ADAMTS4: variants seen among roughly 807,000 people sequenced by gnomAD.
ADAMTS4 encodes the protein ADAM metallopeptidase with thrombospondin type 1 motif 4, also known as A disintegrin and metalloproteinase with thrombospondin motifs 4.
Under a neutral mutation model 66.7 loss-of-function variants are expected in ADAMTS4, and 38 were observed. That is an observed-to-expected ratio of 0.57 (90% CI 0.44 to 0.75). The LOEUF is 0.75. ADAMTS4 is among the 30% of genes least tolerant of loss of function. The pLI, the probability that ADAMTS4 is intolerant of heterozygous loss-of-function variation, is 0.00. For missense variants in ADAMTS4, 1,014 were observed against 1,116.7 expected, an observed-to-expected ratio of 0.91 and a Z score of 1.31; for synonymous variants, 418 against 461.5, an observed-to-expected ratio of 0.91 and a Z score of 1.21.
intron 3 of ADAMTS4, chr1:161,195,856 C>A: frequency 1.7e-6 from 1 of 578,126 alleles, no homozygotes; most frequent in Non-Finnish European, 2.9e-6. Context: ...CCTCCCTACC[C>A]ACTTTTCCTT....
Position 161,193,851 on chromosome 1 carries a change from G to A in ADAMTS4, c.1549-25C>T, listed in dbSNP as rs372731015. 3.2e-6 allele frequency: 5 copies of A among 1,580,818 alleles called. No individual in the cohort carries two copies. The highest frequency in any genetic ancestry group is 4.3e-6 in the Non-Finnish European group (5 of 1,161,942). ...TCTGCAAAGGCACAGAACGGAAGTG[G>A]GGCATAAGTGAACTCTCTCCTGGGC... On this transcript the variant is annotated intron_variant, in intron 5 of 8. Coordinates refer to ENST00000367996, the MANE Select transcript of ADAMTS4 (RefSeq NM_005099.6). This position sits in a 1 kb window ranked among gnomAD's most constrained non-coding sequence, Gnocchi z 4.4.
At position 161,194,147 on chromosome 1, in the gene ADAMTS4, C is replaced by T; in HGVS notation, c.1336G>A (p.Asp446Asn). The T allele has an allele frequency of 6.2e-7, 1 of 1,614,186 alleles. No individual in the cohort carries two copies. The highest frequency in any genetic ancestry group is 8.5e-7 in the Non-Finnish European group (1 of 1,180,032). The change falls in exon 5 of 9, where the codon GAC (aspartate) becomes AAC (asparagine). Residue 446 changes from aspartate (D) to asparagine (N), a missense_variant. Asp to Asn is a conservative substitution (Grantham distance 23, BLOSUM62 1). Transcript: ENST00000367996. The surrounding 1 kb of genome is among the most constrained non-coding windows in gnomAD (Gnocchi z 4.1). ...VTFPGKDYDA[D>N]RQCQLTFGPD... is the part of the protein sequence containing the mutation. ...CCGAAGGTCAGCTGGCACTGGCGGT[C>T]AGCATCATAGTCCTTGCCAGGGAAA...
chr1:161,194,068 C>T lies in ADAMTS4; in HGVS notation c.1415G>A (p.Cys472Tyr), dbSNP rs1664753540. 1.2e-6 allele frequency: 2 copies of T among 1,614,200 alleles called. No homozygotes were observed. The highest frequency in any genetic ancestry group is 1.7e-6 in the Non-Finnish European group (2 of 1,180,032). Residue 472 changes from cysteine (C) to tyrosine (Y), a missense_variant, in exon 5 of 9, where the codon TGC becomes TAC. Coordinates refer to ENST00000367996, the MANE Select transcript of ADAMTS4 (RefSeq NM_005099.6). This position sits in a 1 kb window ranked among gnomAD's most constrained non-coding sequence, Gnocchi z 4.1. Reference sequence around the variant, plus strand: ...GGCATGGCCATTGAGGTGGCCAGAGCACCAGAGGGCAGCACAGGGCGGCGG... The same window carrying T: ...GGCATGGCCATTGAGGTGGCCAGAGTACCAGAGGGCAGCACAGGGCGGCGG... The part of the protein sequence containing the change: ...QLPPPCAALW[C>Y]SGHLNGHAMC...
Position 161,196,396 on chromosome 1 carries a change from G to A in ADAMTS4, c.958-93C>T, listed in dbSNP as rs901365545. On this transcript the variant is annotated intron_variant, in intron 2 of 8. Coordinates refer to ENST00000367996, the MANE Select transcript of ADAMTS4 (RefSeq NM_005099.6). ...GATTCCCGGGGACCTGGGCACTGAGGACCCAGCACTGTCAGGGCCTAGGTA... is the reference window on the plus strand; with the variant it reads ...GATTCCCGGGGACCTGGGCACTGAGAACCCAGCACTGTCAGGGCCTAGGTA... The A allele has an allele frequency of 8.5e-6, 13 of 1,525,680 alleles. No homozygotes were observed. The African/African-American group carries it at 1.5e-4, about 18-fold the overall frequency. 94.5% of individuals were successfully genotyped at this position (1,525,680 alleles called of 1,614,324 possible).
At chr1:161,195,363 G>C (rs536199900) in intron 4 of ADAMTS4, 102 bp downstream of exon 4, 1 of 1,251,460 alleles carries the variant, frequency 8.0e-7, no homozygotes, top group African/African-American at 1.5e-5. Context: ...AAGCACACTT[G>C]GGGGAGGCAA....
Position 161,190,537 on chromosome 1 carries a change from GA to G in ADAMTS4, c.*600del, listed in dbSNP as rs71802477. Reference sequence around the variant, plus strand: ...CAAAAAAAAAAAAGAAAGAAAGAAAGAAAAAAAAAAAAAGATAATCCCTCAC... The same window carrying G: ...CAAAAAAAAAAAAGAAAGAAAGAAAGAAAAAAAAAAAAGATAATCCCTCAC... On this transcript the variant is annotated 3_prime_UTR_variant, in exon 9 of 9. Coordinates refer to ENST00000367996, the MANE Select transcript of ADAMTS4 (RefSeq NM_005099.6). 18,193 of 131,324 alleles carry G rather than the reference GA, an allele frequency of 0.14. 1,430 individuals are homozygous for G. Among genetic ancestry groups the G allele is most frequent in the East Asian group, 0.36 (1,647 of 4,624 alleles). The allele number at this position is 131,324 out of a possible 1,614,324, so 8.1% of individuals were successfully genotyped here.
chr1:161,196,039 A>T, intron 3 of ADAMTS4, 132 bp downstream of exon 3: 12 of 1,124,614 alleles, frequency 1.1e-5, no homozygotes, highest in Non-Finnish European at 1.5e-5. Context: ...CCTGGAGCAG[A>T]GAGGAGTAAT....
In ADAMTS4 at chr1:161,194,083, C is replaced by A. The variant is rs1421823180; in HGVS notation, c.1400G>T (p.Cys467Phe). 6.2e-7 allele frequency: 1 copy of A among 1,614,224 alleles called. No homozygotes were observed. Among genetic ancestry groups the A allele is most frequent in the Admixed American group, 1.7e-5 (1 of 60,026 alleles). The change falls in exon 5 of 9, where the codon TGT (cysteine) becomes TTT (phenylalanine). Residue 467 changes from cysteine (C) to phenylalanine (F), a missense_variant. By Grantham distance (205) the Cys-to-Phe change is radical (BLOSUM62 -2). Coordinates refer to ENST00000367996, the MANE Select transcript of ADAMTS4 (RefSeq NM_005099.6). This position sits in a 1 kb window ranked among gnomAD's most constrained non-coding sequence, Gnocchi z 4.1. The stretch of plus-strand genomic sequence containing the variant: ...GTGGCCAGAGCACCAGAGGGCAGCA[C>A]AGGGCGGCGGCAGCTGTGGACAATG... ...SRHCPQLPPP[C>F]AALWCSGHLN...
rs1013589590 is a variant in ADAMTS4 at position 161,193,459 on chromosome 1, T to C, written c.1736-71A>G. 1.1e-5 allele frequency: 17 copies of C among 1,568,186 alleles called. No individual in the cohort carries two copies. The East Asian group carries it at 2.9e-4, about 27-fold the overall frequency. Reference sequence around the variant, plus strand: ...ACCCCACATCCCTCCACCCAACCCCTGAGAACTCTAGACAGCACAGCTCTG... The same window carrying C: ...ACCCCACATCCCTCCACCCAACCCCCGAGAACTCTAGACAGCACAGCTCTG... On this transcript the variant is annotated intron_variant, in intron 6 of 8. Coordinates refer to ENST00000367996, the MANE Select transcript of ADAMTS4 (RefSeq NM_005099.6). The surrounding 1 kb of genome is among the most constrained non-coding windows in gnomAD (Gnocchi z 4.4).
In ADAMTS4 at chr1:161,186,017, G is replaced by A. The variant is rs1664534907; in HGVS notation, c.*5121C>T. On this transcript the variant is annotated 3_prime_UTR_variant, in exon 9 of 9. Transcript: ENST00000367996. The stretch of plus-strand genomic sequence containing the variant: ...CAAACTCTTCTTGAACTTCTCTAGG[G>A]ACAGGGTTCTAATCCCTTGTCATTC... 6.6e-6 allele frequency: 1 copy of A among 152,208 alleles called. No individual in the cohort carries two copies. The highest frequency in any genetic ancestry group is 6.5e-5 in the Admixed American group (1 of 15,290). 9.4% of individuals were successfully genotyped at this position (152,208 alleles called of 1,614,324 possible). A position where few individuals can be genotyped will look rare whatever the true frequency, so the allele number is the denominator to read the frequency against.
Position 161,193,299 on chromosome 1 carries a change from G to A in ADAMTS4, c.1825C>T (p.Arg609Cys), listed in dbSNP as rs779357556. 37 of 1,613,924 alleles carry A rather than the reference G, an allele frequency of 2.3e-5. No individual in the cohort carries two copies. The highest frequency in any genetic ancestry group is 6.7e-5 in the Admixed American group (4 of 60,004). Residue 609 changes from arginine (R) to cysteine (C), a missense_variant, in exon 7 of 9, where the codon CGC (arginine) becomes TGC (cysteine). Arg to Cys is a radical substitution (Grantham distance 180). Coordinates refer to ENST00000367996, the MANE Select transcript of ADAMTS4 (RefSeq NM_005099.6). The surrounding 1 kb of genome is among the most constrained non-coding windows in gnomAD (Gnocchi z 4.4). ...TCCTGGGGGGCCACGCCTGTGTAGC[G>A]AGGAACCCAGTCCATGGGCCCTGGG... is the stretch of plus-strand genomic sequence containing the variant. ...SFPGPMDWVPRYTGVAPQDQC... is the reference protein window; with the variant it reads ...SFPGPMDWVPCYTGVAPQDQC...
At position 161,186,415 on chromosome 1, in the gene ADAMTS4, G is replaced by C. The variant is rs868414259; in HGVS notation, c.*4723C>G. The C allele has an allele frequency of 7.6e-4, 115 of 152,234 alleles. 1 individual carries two copies. The highest frequency in any genetic ancestry group is 2.5e-3 in the African/African-American group (104 of 41,436). The allele number at this position is 152,234 out of a possible 1,614,324, so 9.4% of individuals were successfully genotyped here. A position where few individuals can be genotyped will look rare whatever the true frequency, so the allele number is the denominator to read the frequency against. On this transcript the variant is annotated 3_prime_UTR_variant, in exon 9 of 9. Transcript: ENST00000367996. Reference sequence around the variant, plus strand: ...TCTCTTCGATGAGCTAGCTCTCTCTGCCCCTCTTTCACTCTAGCTCCTGCT... The same window carrying C: ...TCTCTTCGATGAGCTAGCTCTCTCTCCCCCTCTTTCACTCTAGCTCCTGCT...
chr1:161,192,149 G>A lies in ADAMTS4; in HGVS notation c.2003C>T (p.Ser668Phe). The A allele has an allele frequency of 3.1e-6, 5 of 1,614,084 alleles. No homozygotes were observed. Among genetic ancestry groups the A allele is most frequent in the Non-Finnish European group, 4.2e-6 (5 of 1,180,026 alleles). Reference protein sequence around the residue: ...IHAGCDRIIGSKKKFDKCMVC... With the variant: ...IHAGCDRIIGFKKKFDKCMVC... The stretch of plus-strand genomic sequence containing the variant: ...CATGCACTTGTCAAACTTCTTCTTG[G>A]AGCCAATGATGCGATCACAGCCAGC... Residue 668 changes from serine to phenylalanine, a missense_variant, in exon 8 of 9, where the codon TCC (serine) becomes TTC (phenylalanine). Ser to Phe is a radical substitution (Grantham distance 155). Transcript: ENST00000367996.
At position 161,193,281 on chromosome 1, in the gene ADAMTS4, G is replaced by C; in HGVS notation, c.1843C>G (p.Pro615Ala). 6.2e-7 allele frequency: 1 copy of C among 1,614,082 alleles called. No individual in the cohort carries two copies. Among genetic ancestry groups the C allele is most frequent in the Non-Finnish European group, 8.5e-7 (1 of 1,179,998 alleles). The change falls in exon 7 of 9, where the codon CCC becomes GCC. Residue 615 changes from proline to alanine, a missense_variant. By Grantham distance (27) the Pro-to-Ala change is conservative (BLOSUM62 -1). Coordinates refer to ENST00000367996, the MANE Select transcript of ADAMTS4 (RefSeq NM_005099.6). This position sits in a 1 kb window ranked among gnomAD's most constrained non-coding sequence, Gnocchi z 4.4. ...CAGGTGAGTTTGCACTGGTCCTGGG[G>C]GGCCACGCCTGTGTAGCGAGGAACC... ...DWVPRYTGVA[P>A]QDQCKLTCQA...
At chr1:161,196,040 G>A (rs1048499174) in intron 3 of ADAMTS4, 131 bp downstream of exon 3, 2 of 1,134,552 alleles carry the variant, frequency 1.8e-6, no homozygotes, top group Non-Finnish European at 2.5e-6. Flanking sequence ...CTGGAGCAGA[G>A]AGGAGTAATA....
rs766748341 is a variant in ADAMTS4, at chr1:161,196,554, C to G, written c.957+3G>C. On this transcript the variant is annotated splice_donor_region_variant and intron_variant, in intron 2 of 8. Coordinates refer to ENST00000367996, the MANE Select transcript of ADAMTS4 (RefSeq NM_005099.6). ...TGGCCTGCGGTGCTGACTGGGGCCT[C>G]ACCTGACGGGTAAACAGAATGGCTG... 6.2e-7 allele frequency: 1 copy of G among 1,613,868 alleles called. No individual in the cohort carries two copies. Among genetic ancestry groups the G allele is most frequent in the Non-Finnish European group, 8.5e-7 (1 of 1,179,868 alleles).
Position 161,187,133 on chromosome 1 carries a change from C to T in ADAMTS4, c.*4005G>A, listed in dbSNP as rs994544497. The T allele has an allele frequency of 2.0e-5, 3 of 152,218 alleles. No individual in the cohort carries two copies. Among genetic ancestry groups the T allele is most frequent in the African/African-American group, 7.2e-5 (3 of 41,444 alleles). The allele number at this position is 152,218 out of a possible 1,614,324, so 9.4% of individuals were successfully genotyped here. The stretch of plus-strand genomic sequence containing the variant: ...TCCATTCAGTTCAGGGCTCATTAGG[C>T]TCTTATCTTCTAGTCCCTTTTACTG... On this transcript the variant is annotated 3_prime_UTR_variant, in exon 9 of 9. Transcript: ENST00000367996.
chr1:161,198,042 C>T lies in ADAMTS4; in HGVS notation c.586G>A (p.Val196Ile), dbSNP rs377253620. 47 of 1,596,592 alleles carry T rather than the reference C, an allele frequency of 2.9e-5. No homozygotes were observed. Among genetic ancestry groups the T allele is most frequent in the African/African-American group, 4.0e-5 (3 of 74,574 alleles). The change falls in exon 1 of 9, where the codon GTC becomes ATC. Residue 196 changes from valine (V) to isoleucine (I), a missense_variant. Physicochemically the swap from Val to Ile is conservative, Grantham distance 29. Transcript: ENST00000367996. The surrounding 1 kb of genome is among the most constrained non-coding windows in gnomAD (Gnocchi z 4.7). Reference sequence around the variant, plus strand: ...CTGGGGCTTCCAAGAGGAGCCTTGACGTTGCACATGGGACCTTGACCGCTG... The same window carrying T: ...CTGGGGCTTCCAAGAGGAGCCTTGATGTTGCACATGGGACCTTGACCGCTG... ...PASGQGPMCN[V>I]KAPLGSPSPR...
In ADAMTS4 at chr1:161,198,772, C is replaced by T. The variant is rs1465591562; in HGVS notation, c.-145G>A. On this transcript the variant is annotated 5_prime_UTR_variant, in exon 1 of 9. Transcript: ENST00000367996. This position sits in a 1 kb window ranked among gnomAD's most constrained non-coding sequence, Gnocchi z 4.7. ...GCAAAGTTTTCAGAAGGGCTGAGGA[C>T]CGTTAAAGGAAATGGAGAAAACTTA... 6.8e-6 allele frequency: 5 copies of T among 730,122 alleles called. No homozygotes were observed. Among genetic ancestry groups the T allele is most frequent in the Non-Finnish European group, 1.1e-5 (5 of 470,770 alleles). 45.2% of individuals were successfully genotyped at this position (730,122 alleles called of 1,614,324 possible). A position where few individuals can be genotyped will look rare whatever the true frequency, so the allele number is the denominator to read the frequency against.
Sources: gnomAD v4.1 joint callset for allele counts on GRCh38, gnomAD v4.1.1 for gene constraint, Gnocchi (gnomAD v3.1) non-coding constraint, MANE v1.5 for transcripts, NCBI Gene and HGNC (gene_info 2026-07-23, HGNC 2026-07-21) for gene names.